The following RORA variants were observed in gnomAD, a reference collection of about 807,000 sequenced individuals.
The protein encoded by RORA is nuclear receptor ROR-alpha.
RORA carries 7 observed loss-of-function variants against 69.5 expected under a neutral mutation model. The observed-to-expected ratio is 0.10, with a 90% confidence interval of 0.06 to 0.19. RORA has a LOEUF of 0.19. RORA is among the 10% of genes least tolerant of loss of function. The probability of loss-of-function intolerance (pLI) is 1.00; values close to 1 mark genes in which losing one functional copy is unlikely to be tolerated. For synonymous variants in RORA, 261 were observed against 240.8 expected, an observed-to-expected ratio of 1.08 and a Z score of -0.78; for missense variants, 457 against 663.0, an observed-to-expected ratio of 0.69 and a Z score of 3.41.
intron 1 of RORA, among the ~76,000 whole-genome samples, chr15:60,904,677 T>C (rs1159316074): frequency 6.6e-6 from 1 of 152,112 alleles, no homozygotes; most frequent in Non-Finnish European, 1.5e-5. Context: ...CTAAGACACT[T>C]TGGGGCTCAA....
intron 2 of RORA, among the ~76,000 whole-genome samples, chr15:60,672,151 T>C (rs894192862): frequency 7.9e-5 from 12 of 152,194 alleles, no homozygotes; most frequent in African/African-American, 2.9e-4. Context: ...AATACTTTTT[T>C]TCACATAGTG....
At chr15:61,003,233 A>AGTT (rs1894803181) in intron 1 of RORA, among the ~76,000 whole-genome samples, 1 of 152,204 alleles carries the variant, frequency 6.6e-6, no homozygotes. Context: ...TATAGTATGC[A>AGTT]GTTTAAAACG....
At chr15:60,657,077 A>G (rs190756206) in intron 2 of RORA, among the ~76,000 whole-genome samples, 29 of 152,336 alleles carry the variant, frequency 1.9e-4, no homozygotes, top group African/African-American at 6.7e-4. Context: ...GTGGGTTGGC[A>G]CACAGCACCG....
At chr15:61,018,976 CAG>C (rs1895406293) in intron 1 of RORA, among the ~76,000 whole-genome samples, 1 of 152,190 alleles carries the variant, frequency 6.6e-6, no homozygotes, top group African/African-American at 2.4e-5. Flanking sequence ...TTAAAGCAAA[CAG>C]AGCTTATCCA....
At chr15:60,743,098 T>TC (rs2071597699) in intron 1 of RORA, among the ~76,000 whole-genome samples, 2 of 136,286 alleles carry the variant, frequency 1.5e-5, no homozygotes, top group Non-Finnish European at 3.1e-5. Context: ...CACTGCAACC[T>TC]CCGCCCCCTG....
At chr15:61,026,832 G>A (rs943390340) in intron 1 of RORA, among the ~76,000 whole-genome samples, 2 of 152,126 alleles carry the variant, frequency 1.3e-5, no homozygotes, top group African/African-American at 4.8e-5. Context: ...GTTGCTAGGT[G>A]GCACCTCTGA....
At chr15:61,065,289 C>T (rs946716982) in intron 1 of RORA, among the ~76,000 whole-genome samples, 2 of 152,182 alleles carry the variant, frequency 1.3e-5, no homozygotes, top group African/African-American at 4.8e-5. Context: ...GGGGCCATAT[C>T]TGTATCATCT....
chr15:61,029,281 C>A (rs980566874), intron 1 of RORA, among the ~76,000 whole-genome samples: 1 of 151,958 alleles, frequency 6.6e-6, no homozygotes, highest in African/African-American at 2.4e-5. Flanking sequence ...GGTTGGAGGA[C>A]ACATGACGAG....
intron 1 of RORA, among the ~76,000 whole-genome samples, chr15:60,729,366 G>GTCTT (rs1190400078): frequency 1.3e-5 from 2 of 152,154 alleles, no homozygotes; most frequent in Admixed American, 6.5e-5. Flanking sequence ...CTGGAGATGA[G>GTCTT]TCTTTAGCCA....
chr15:60,988,368 T>C (rs1467304), intron 1 of RORA, among the ~76,000 whole-genome samples: 41,111 of 152,024 alleles, frequency 0.27, 6,610 homozygotes, highest in African/African-American at 0.45. Context: ...GAAGTCACAT[T>C]TGATGCTCCT....
intron 1 of RORA, among the ~76,000 whole-genome samples, chr15:61,129,303 T>G (rs1007120312): frequency 6.6e-6 from 1 of 152,232 alleles, no homozygotes; most frequent in Admixed American, 6.5e-5. Flanking sequence ...AAAATGGCAA[T>G]GTTTTCTTGA....
chr15:60,787,324 T>G (rs1373716772), intron 1 of RORA, among the ~76,000 whole-genome samples: 18 of 152,178 alleles, frequency 1.2e-4, no homozygotes, highest in Admixed American at 9.2e-4. Flanking sequence ...TTCTTGTTTG[T>G]TTGGAAAGGT....
chr15:61,170,130 C>G (rs1446538338), intron 1 of RORA, among the ~76,000 whole-genome samples: 1 of 152,184 alleles, frequency 6.6e-6, no homozygotes, highest in Non-Finnish European at 1.5e-5. Context: ...ATAAGACTTC[C>G]TGTATTGGTT....
intron 1 of RORA, among the ~76,000 whole-genome samples, chr15:60,983,533 T>TA (rs1894108414): frequency 6.6e-6 from 1 of 152,184 alleles, no homozygotes; most frequent in Non-Finnish European, 1.5e-5. Flanking sequence ...ATGAGAGACA[T>TA]ACACCCTCTA....
chr15:60,525,045 G>T (rs1414649159), intron 3 of RORA, among the ~76,000 whole-genome samples: 1 of 151,956 alleles, frequency 6.6e-6, no homozygotes, highest in African/African-American at 2.4e-5. Flanking sequence ...AACATGTAGG[G>T]CCGACTGAAT....
intron 1 of RORA, among the ~76,000 whole-genome samples, chr15:60,682,892 A>C (rs2070666762): frequency 6.6e-6 from 1 of 152,230 alleles, no homozygotes; most frequent in South Asian, 2.1e-4. Flanking sequence ...GGTGGAACCA[A>C]GTTTCTAAAC....
In RORA at chr15:60,495,685, G is replaced by C. The variant is rs1326921868; in HGVS notation, c.*1770C>G. 6.6e-6 allele frequency: 1 copy of C among 152,136 alleles called. No individual in the cohort carries two copies. Among genetic ancestry groups the C allele is most frequent in the Admixed American group, 6.5e-5 (1 of 15,284 alleles). The allele number at this position is 152,136 out of a possible 1,614,324, so 9.4% of individuals were successfully genotyped here. ...GGAAACTCCTACCTTAACACCCATCGGAGATGTTCCCTTTTCTGTACAAAA... is the reference window on the plus strand; with the variant it reads ...GGAAACTCCTACCTTAACACCCATCCGAGATGTTCCCTTTTCTGTACAAAA... On this transcript the variant is annotated 3_prime_UTR_variant, in exon 11 of 11. Coordinates refer to ENST00000335670, the MANE Select transcript of RORA (RefSeq NM_134261.3).
At chr15:61,088,508 C>A (rs570382214) in intron 1 of RORA, among the ~76,000 whole-genome samples, 21 of 152,272 alleles carry the variant, frequency 1.4e-4, no homozygotes, top group African/African-American at 2.4e-4. Context: ...GCTGTAGAGA[C>A]TGGAAAGACT....
chr15:60,909,622 T>C (rs1266041057), intron 1 of RORA, among the ~76,000 whole-genome samples: 4 of 152,248 alleles, frequency 2.6e-5, no homozygotes, highest in Non-Finnish European at 2.9e-5. Flanking sequence ...TCCCTCATTT[T>C]ATAGGCAGAG....
Sources: gnomAD v4.1 joint callset for allele counts (sites outside exome capture counted in the v4.1 genomes callset) on GRCh38, gnomAD v4.1.1 for gene constraint, MANE v1.5 for transcripts, NCBI Gene and HGNC (gene_info 2026-07-23, HGNC 2026-07-21) for gene names.